RNF157: variants seen among roughly 807,000 people sequenced by gnomAD.
RNF157 encodes the protein E3 ubiquitin ligase RNF157.
In RNF157, 55 loss-of-function variants were observed where a neutral mutation model predicts 88.3. That is an observed-to-expected ratio of 0.62 (90% CI 0.50 to 0.78). The LOEUF is 0.78. Ranked by LOEUF, RNF157 falls within the 30% of genes least tolerant of loss-of-function variation. The pLI is 0.00. For missense variants in RNF157, 788 were observed against 860.8 expected, an observed-to-expected ratio of 0.92 and a Z score of 1.06; for synonymous variants, 334 against 341.2, an observed-to-expected ratio of 0.98 and a Z score of 0.23.
intron 12 of RNF157, among the ~76,000 whole-genome samples, chr17:76,159,054 A>G (rs1195982018): frequency 6.6e-6 from 1 of 152,210 alleles, no homozygotes; most frequent in Non-Finnish European, 1.5e-5. Context: ...AGAAGGCCCT[A>G]TCCACAGTGT....
chr17:76,212,326 T>C (rs1311026543), intron 2 of RNF157, 38 bp downstream of exon 2: 2 of 1,404,280 alleles, frequency 1.4e-6, no homozygotes, highest in Non-Finnish European at 2.0e-6. Context: ...AATTGGCCAC[T>C]TAAGCTCCAA....
chr17:76,215,685 C>T (rs1338373871), intron 1 of RNF157, among the ~76,000 whole-genome samples: 1 of 152,082 alleles, frequency 6.6e-6, no homozygotes, highest in Non-Finnish European at 1.5e-5. Flanking sequence ...CTAGAAACAT[C>T]TATTAAATAA....
chr17:76,220,072 T>C (rs745451941), intron 1 of RNF157, among the ~76,000 whole-genome samples: 19 of 152,168 alleles, frequency 1.2e-4, no homozygotes, highest in African/African-American at 3.1e-4. Context: ...CCTAGAAACA[T>C]AGACCAACAA....
intron 18 of RNF157, among the ~76,000 whole-genome samples, chr17:76,148,423 C>T (rs1345973407): frequency 2.0e-5 from 3 of 151,708 alleles, no homozygotes; most frequent in Non-Finnish European, 2.9e-5. Context: ...CTCGCCACCA[C>T]GCCTGGCTAA....
chr17:76,167,507 T>A, intron 4 of RNF157, 144 bp downstream of exon 4: 1 of 1,200,632 alleles, frequency 8.3e-7, no homozygotes, highest in Non-Finnish European at 1.2e-6. Flanking sequence ...CCTTGCTGAG[T>A]GGATAAGACA....
At chr17:76,153,954 C>T (rs2068721602) in intron 17 of RNF157, 2 of 295,266 alleles carry the variant, frequency 6.8e-6, no homozygotes, top group Non-Finnish European at 1.3e-5. Flanking sequence ...TGGGGCTCCA[C>T]TGAAAACCTG....
Position 76,154,277 on chromosome 17 carries a change from T to C in RNF157, c.1810+6A>G. 6.2e-7 allele frequency: 1 copy of C among 1,602,260 alleles called. No homozygotes were observed. On this transcript the variant is annotated splice_donor_region_variant and intron_variant, in intron 17 of 18. Transcript: ENST00000269391. ...AAAGGAAGTAAAGGACCAGATCTTT[T>C]ACCACCTTCCTGCGTGGGTGATCCA...
At chr17:76,193,624 G>T (rs1598419287) in intron 2 of RNF157, among the ~76,000 whole-genome samples, 1 of 152,082 alleles carries the variant, frequency 6.6e-6, no homozygotes, top group African/African-American at 2.4e-5. Flanking sequence ...GATCACTAGG[G>T]AAATGGAAGA....
chr17:76,200,372 T>C (rs547711918), intron 2 of RNF157, among the ~76,000 whole-genome samples: 1 of 152,318 alleles, frequency 6.6e-6, no homozygotes, highest in South Asian at 2.1e-4. Context: ...TGTATCGATA[T>C]AATGGCATAT....
At chr17:76,165,432 C>T (rs892599197) in intron 7 of RNF157, 70 bp downstream of exon 7, 16 of 1,513,314 alleles carry the variant, frequency 1.1e-5, no homozygotes, top group Admixed American at 3.3e-5. Context: ...ACCCAGCAAA[C>T]GGGTTACATG....
At chr17:76,166,404 G>C in intron 6 of RNF157, 57 bp downstream of exon 6, 1 of 1,429,446 alleles carries the variant, frequency 7.0e-7, no homozygotes, top group Non-Finnish European at 9.9e-7. Flanking sequence ...GCTGCTGCCA[G>C]GAATATGCCA....
chr17:76,170,931 C>T (rs143679410), intron 3 of RNF157, among the ~76,000 whole-genome samples: 2,967 of 152,204 alleles, frequency 0.019, 90 homozygotes, highest in African/African-American at 0.067. Flanking sequence ...CTCACTCTGT[C>T]GCCCAGGCTG....
chr17:76,221,826 T>G (rs1462311142), intron 1 of RNF157, among the ~76,000 whole-genome samples: 4 of 152,208 alleles, frequency 2.6e-5, no homozygotes, highest in Non-Finnish European at 5.9e-5. Flanking sequence ...AACGGAATAT[T>G]ATTCAGCCAT....
At chr17:76,224,074 C>A (rs1427849680) in intron 1 of RNF157, among the ~76,000 whole-genome samples, 1 of 152,112 alleles carries the variant, frequency 6.6e-6, no homozygotes, top group Non-Finnish European at 1.5e-5. Context: ...ACTGAGGGAG[C>A]CCTACCCTAT....
At chr17:76,199,234 G>A (rs960164026) in intron 2 of RNF157, among the ~76,000 whole-genome samples, 1 of 152,150 alleles carries the variant, frequency 6.6e-6, no homozygotes, top group Non-Finnish European at 1.5e-5. Context: ...GAACAAAGAA[G>A]AAACTATTCC....
intron 2 of RNF157, among the ~76,000 whole-genome samples, chr17:76,181,396 G>A (rs1044211262): frequency 6.6e-6 from 1 of 152,108 alleles, no homozygotes; most frequent in Non-Finnish European, 1.5e-5. Flanking sequence ...TTAGAGAAGA[G>A]CTTTCTTGGA....
chr17:76,225,669 C>G (rs2070069273), intron 1 of RNF157: 1 of 1,170,952 alleles, frequency 8.5e-7, no homozygotes, highest in Non-Finnish European at 1.2e-6. Flanking sequence ...TATTTTTTTC[C>G]CTACAAAATA....
chr17:76,179,077 T>C (rs541613154), intron 2 of RNF157, among the ~76,000 whole-genome samples: 19 of 152,316 alleles, frequency 1.2e-4, no homozygotes, highest in South Asian at 8.3e-4. Flanking sequence ...ACATGCACCA[T>C]TACTAAGTTA....
chr17:76,214,384 A>C (rs2069853639), intron 1 of RNF157, among the ~76,000 whole-genome samples: 1 of 152,082 alleles, frequency 6.6e-6, no homozygotes, highest in African/African-American at 2.4e-5. Context: ...AGACGCACAC[A>C]TTTCTTTGCC....
Sources: gnomAD v4.1 joint callset for allele counts (sites outside exome capture counted in the v4.1 genomes callset) on GRCh38, gnomAD v4.1.1 for gene constraint, MANE v1.5 for transcripts, NCBI Gene and HGNC (gene_info 2026-07-23, HGNC 2026-07-21) for gene names.